MYLK: variants seen among roughly 807,000 people sequenced by gnomAD.
MYLK encodes the protein myosin light chain kinase, smooth muscle.
MYLK carries 106 observed loss-of-function variants against 203.4 expected under a neutral mutation model. The observed-to-expected ratio is 0.52, with a 90% CI of 0.45 to 0.61. The LOEUF (loss-of-function observed/expected upper bound fraction) is 0.61. Ranked by LOEUF, MYLK falls within the 20% of genes least tolerant of loss-of-function variation. The probability of loss-of-function intolerance (pLI) is 0.00; values close to 1 mark genes in which losing one functional copy is unlikely to be tolerated. For missense variants in MYLK, 2,072 were observed against 2,442.3 expected, an observed-to-expected ratio of 0.85 and a Z score of 3.20; for synonymous variants, 867 against 959.5, an observed-to-expected ratio of 0.90 and a Z score of 1.78.
In MYLK at chr3:123,629,697, G is replaced by C; in HGVS notation, c.4962-71C>G. 1 of 1,572,782 alleles carries C rather than the reference G, an allele frequency of 6.4e-7. No individual in the cohort carries two copies. The highest frequency in any genetic ancestry group is 8.7e-7 in the Non-Finnish European group (1 of 1,145,490). On this transcript the variant is annotated intron_variant, in intron 29 of 33. Coordinates refer to ENST00000360304, the MANE Select transcript of MYLK (RefSeq NM_053025.4). This position sits in a 1 kb window ranked among gnomAD's most constrained non-coding sequence, Gnocchi z 4.4. ...CGACGACCAGGTGAGTGGTAACTGA[G>C]GTCAAAGGCGAGGGTCGGCCAGCCT...
rs1161000319 is a variant in MYLK, at chr3:123,663,998, T to C, written c.3985+107A>G. 10 of 1,477,588 alleles carry C rather than the reference T, an allele frequency of 6.8e-6. No individual in the cohort carries two copies. The East Asian group carries it at 1.4e-4, about 20-fold the overall frequency. The allele number at this position is 1,477,588 out of a possible 1,614,324, so 91.5% of individuals were successfully genotyped here. On this transcript the variant is annotated intron_variant, in intron 23 of 33. Transcript: ENST00000360304. Reference sequence around the variant, plus strand: ...GTGCCTTATAAATCAGGCACAGGAGTGGTGAGAGATAATGGGTGATGAAGT... The same window carrying C: ...GTGCCTTATAAATCAGGCACAGGAGCGGTGAGAGATAATGGGTGATGAAGT...
intron 3 of MYLK, among the ~76,000 whole-genome samples, chr3:123,824,274 G>C (rs867467362): frequency 7.2e-5 from 11 of 152,080 alleles, no homozygotes; most frequent in African/African-American, 2.7e-4. Flanking sequence ...ATTTTGAGTA[G>C]AGACAGGGTT....
chr3:123,849,148 G>T (rs1457023704), intron 2 of MYLK, among the ~76,000 whole-genome samples: 5 of 152,018 alleles, frequency 3.3e-5, no homozygotes, highest in African/African-American at 1.2e-4. Context: ...GATAATTTTT[G>T]TATTTTTTGT....
At chr3:123,649,290 G>T in intron 24 of MYLK, 96 bp from the exon 25 acceptor site, 1 of 1,517,010 alleles carries the variant, frequency 6.6e-7, no homozygotes. Context: ...CCAGGCCTCA[G>T]CCTCCCCAGG....
intron 11 of MYLK, among the ~76,000 whole-genome samples, chr3:123,732,074 C>T (rs58036435): frequency 0.06 from 9,106 of 150,730 alleles, 826 homozygotes; most frequent in East Asian, 0.47. Context: ...CAGCAGCCTG[C>T]AATTTGCAGA....
At chr3:123,860,881 A>T (rs2031832354) in intron 2 of MYLK, among the ~76,000 whole-genome samples, 1 of 152,170 alleles carries the variant, frequency 6.6e-6, no homozygotes, top group Non-Finnish European at 1.5e-5. Context: ...CTGTAATCCC[A>T]GCACTTTGGA....
At chr3:123,823,223 G>C (rs1243123010) in intron 3 of MYLK, among the ~76,000 whole-genome samples, 1 of 152,112 alleles carries the variant, frequency 6.6e-6, no homozygotes, top group East Asian at 1.9e-4. Context: ...CACTCCTGAG[G>C]TGATCAAATC....
At chr3:123,682,388 A>C (rs1349036275) in intron 19 of MYLK, 78 bp from the exon 20 acceptor site, 2 of 1,189,700 alleles carry the variant, frequency 1.7e-6, no homozygotes, top group East Asian at 5.1e-5. Flanking sequence ...TCAAAATCCC[A>C]CCTCAGCCAA....
At chr3:123,664,586 T>G (rs2059675020) in intron 22 of MYLK, among the ~76,000 whole-genome samples, 1 of 152,110 alleles carries the variant, frequency 6.6e-6, no homozygotes, top group African/African-American at 2.4e-5. Context: ...GGAGAACACA[T>G]CTCAGCAAAG....
At position 123,654,137 on chromosome 3, in the gene MYLK, T is replaced by C. The variant is rs116714889; in HGVS notation, c.4288+2989A>G. Among the ~76,000 whole-genome samples, 891 of 152,090 alleles carry C rather than the reference T, an allele frequency of 5.9e-3. 14 individuals are homozygous for C. Among genetic ancestry groups the C allele is most frequent in the African/African-American group, 0.021 (851 of 41,402 alleles). On this transcript the variant is annotated intron_variant, in intron 24 of 33. Coordinates refer to ENST00000360304, the MANE Select transcript of MYLK (RefSeq NM_053025.4). Reference sequence around the variant, plus strand: ...AGCTGTCCCAGGAGCAGGCATCACGTCTCCGTGACTTGCACCATAGCTCTC... The same window carrying C: ...AGCTGTCCCAGGAGCAGGCATCACGCCTCCGTGACTTGCACCATAGCTCTC...
At chr3:123,662,332 A>G (rs565298041) in intron 23 of MYLK, among the ~76,000 whole-genome samples, 1 of 152,338 alleles carries the variant, frequency 6.6e-6, no homozygotes, top group African/African-American at 2.4e-5. Context: ...TTTCTCCTGC[A>G]TAAGGCTGGA....
At chr3:123,820,023 G>A (rs1171685183) in intron 3 of MYLK, among the ~76,000 whole-genome samples, 1 of 152,100 alleles carries the variant, frequency 6.6e-6, no homozygotes, top group Non-Finnish European at 1.5e-5. Flanking sequence ...TTGTTGGCAA[G>A]AGAACTGAAA....
intron 16 of MYLK, 129 bp from the exon 17 acceptor site, chr3:123,701,638 C>T (rs1202715524): frequency 4.7e-6 from 4 of 852,390 alleles, no homozygotes; most frequent in Non-Finnish European, 7.9e-6. Flanking sequence ...GAGACATTCA[C>T]CCCAGCCTTA....
At chr3:123,752,047 T>TC (rs1285036146) in intron 5 of MYLK, among the ~76,000 whole-genome samples, 1 of 151,782 alleles carries the variant, frequency 6.6e-6, no homozygotes, top group African/African-American at 2.4e-5. Context: ...TGTAAGACCA[T>TC]CCTAAGGAGT....
rs140935432 is a variant in MYLK, at chr3:123,619,366, C to A, written c.5369-596G>T. 9.8e-5 allele frequency among the ~76,000 whole-genome samples: 15 copies of A among 152,314 alleles called. No individual in the cohort carries two copies. The East Asian group carries it at 2.9e-3, about 29-fold the overall frequency. On this transcript the variant is annotated intron_variant, in intron 32 of 33. Transcript: ENST00000360304. ...TATGTCTGGGTCATCTGAGGAGGGG[C>A]AGAAGTGGCTCAGGAGGGACCAGGC...
chr3:123,623,444 T>G (rs958800160), intron 31 of MYLK: 1 of 152,208 alleles, frequency 6.6e-6, no homozygotes, highest in Non-Finnish European at 1.5e-5. Context: ...TAATATAAAT[T>G]TAAAATATAC....
At chr3:123,813,909 T>C (rs577942505) in intron 3 of MYLK, among the ~76,000 whole-genome samples, 3 of 152,288 alleles carry the variant, frequency 2.0e-5, no homozygotes, top group African/African-American at 7.2e-5. Context: ...GGTGACCACA[T>C]AACATATTAT....
chr3:123,664,011 T>C (rs2059652596), intron 23 of MYLK, 94 bp downstream of exon 23: 1 of 1,543,612 alleles, frequency 6.5e-7, no homozygotes, highest in Non-Finnish European at 8.9e-7. Flanking sequence ...TGAGAGATAA[T>C]GGGTGATGAA....
At chr3:123,703,448 G>A (rs2061330129) in intron 16 of MYLK, among the ~76,000 whole-genome samples, 1 of 152,122 alleles carries the variant, frequency 6.6e-6, no homozygotes, top group Admixed American at 6.5e-5. Flanking sequence ...GTATCCCATA[G>A]CCTGTCCCCT....
Sources: allele counts gnomAD v4.1 joint callset (sites outside exome capture counted in the v4.1 genomes callset), GRCh38; gene constraint gnomAD v4.1.1; non-coding constraint Gnocchi (gnomAD v3.1); transcripts MANE v1.5; gene names NCBI Gene and HGNC (gene_info 2026-07-23, HGNC 2026-07-21).